ATXN2: variants seen among roughly 807,000 people sequenced by gnomAD.
The protein encoded by ATXN2 is ataxin 2.
Under a neutral mutation model 138.6 loss-of-function variants are expected in ATXN2, and 37 were observed. The observed-to-expected ratio is 0.27, with a 90% CI of 0.21 to 0.35. The LOEUF is 0.35. ATXN2 is among the 10% of genes least tolerant of loss of function. The pLI is 1.00. For missense variants in ATXN2, 1,216 were observed against 1,480.3 expected, an observed-to-expected ratio of 0.82 and a Z score of 2.93; for synonymous variants, 549 against 543.7, an observed-to-expected ratio of 1.01 and a Z score of -0.13.
intron 18 of ATXN2, chr12:111,471,625 G>A (rs1876419174): frequency 6.6e-6 from 1 of 151,938 alleles, no homozygotes; most frequent in Admixed American, 6.6e-5. Flanking sequence ...GCAAATTTGT[G>A]GCTAAACATT....
chr12:111,521,374 TA>T (rs1363091911), intron 6 of ATXN2, among the ~76,000 whole-genome samples: 1 of 152,186 alleles, frequency 6.6e-6, no homozygotes, highest in Admixed American at 6.5e-5. Flanking sequence ...TTACTTCTTT[TA>T]AACAAGGGAT....
Position 111,599,281 on chromosome 12 carries a change from A to G in ATXN2, c.-247T>C. 5.8e-6 allele frequency: 6 copies of G among 1,040,856 alleles called. No homozygotes were observed. The highest frequency in any genetic ancestry group is 6.9e-6 in the Non-Finnish European group (6 of 874,110). The allele number at this position is 1,040,856 out of a possible 1,614,324, so 64.5% of individuals were successfully genotyped here. On this transcript the variant is annotated 5_prime_UTR_variant, in exon 1 of 25. Coordinates refer to ENST00000673436, the MANE Select transcript of ATXN2 (RefSeq NM_001372574.1). The stretch of plus-strand genomic sequence containing the variant: ...ACGCGCCGCCGCCGTTGCCGTTGCT[A>G]CCAAAACAGTCTGAGGCGGAGGGAG...
chr12:111,552,262 T>C lies in ATXN2; in HGVS notation c.571+18A>G. On this transcript the variant is annotated intron_variant, in intron 5 of 24. Coordinates refer to ENST00000673436, the MANE Select transcript of ATXN2 (RefSeq NM_001372574.1). The surrounding 1 kb of genome is among the most constrained non-coding windows in gnomAD (Gnocchi z 4.1). ...AATCTAATAAACCATGAGGCATATT[T>C]AGGAAATCAAAACCCACCTCTTTTT... 6.4e-7 allele frequency: 1 copy of C among 1,573,996 alleles called. No individual in the cohort carries two copies. The highest frequency in any genetic ancestry group is 1.2e-5 in the South Asian group (1 of 84,960).
At chr12:111,587,073 CAAAAAAAAA>C (rs374631048) in intron 1 of ATXN2, among the ~76,000 whole-genome samples, 3 of 112,886 alleles carry the variant, frequency 2.7e-5, no homozygotes, top group Non-Finnish European at 3.5e-5. Flanking sequence ...CCATTTCTAC[CAAAAAAAAA>C]AAAAAAAAAA....
intron 1 of ATXN2, among the ~76,000 whole-genome samples, chr12:111,557,011 A>G (rs973323696): frequency 6.6e-6 from 1 of 152,312 alleles, no homozygotes; most frequent in Admixed American, 6.5e-5. Flanking sequence ...TTTGGCTGTC[A>G]AGTAAAGATG....
chr12:111,457,378 G>A lies in ATXN2; in HGVS notation c.2897-19C>T, dbSNP rs968717790. The A allele has an allele frequency of 3.8e-6, 6 of 1,599,002 alleles. No individual in the cohort carries two copies. The highest frequency in any genetic ancestry group is 5.1e-6 in the Non-Finnish European group (6 of 1,172,234). On this transcript the variant is annotated intron_variant, in intron 21 of 24. Transcript: ENST00000673436. ...GTGGAAACTAAAGTGAAAGAAAAAG[G>A]AGCATGTACACAACCGATGTCTGAC... is the stretch of plus-strand genomic sequence containing the variant.
rs368872044 is a variant in ATXN2, at chr12:111,574,200, C to T, written c.252-18281G>A. On this transcript the variant is annotated intron_variant, in intron 1 of 24. Transcript: ENST00000673436. ...GCGGGCACCTGTAGTCCCAGCTACT[C>T]GGGAGGTGGAGGCAGGAGAATGGCG... 1.5e-4 allele frequency among the ~76,000 whole-genome samples: 22 copies of T among 145,330 alleles called. No individual in the cohort carries two copies. The East Asian group carries it at 4.0e-3, about 26-fold the overall frequency.
intron 2 of ATXN2, 94 bp from the exon 3 acceptor site, chr12:111,554,311 C>T (rs546014374): frequency 1.5e-5 from 13 of 865,502 alleles, no homozygotes; most frequent in East Asian, 3.2e-5. Flanking sequence ...TTTTAGACTG[C>T]GGATTTTTTT....
chr12:111,527,232 C>T (rs1321094562), intron 5 of ATXN2, among the ~76,000 whole-genome samples: 1 of 152,162 alleles, frequency 6.6e-6, no homozygotes, highest in East Asian at 1.9e-4. Context: ...CCACCTACTA[C>T]GAACTAAGGA....
At chr12:111,551,600 T>C (rs1882124388) in intron 5 of ATXN2, among the ~76,000 whole-genome samples, 1 of 152,218 alleles carries the variant, frequency 6.6e-6, no homozygotes. Flanking sequence ...TTCCTTAGCC[T>C]TATACTTTGA....
In ATXN2 at chr12:111,510,419, A is replaced by G; in HGVS notation, c.1722T>C (p.Pro574=). Residue 574 remains proline (P), a synonymous_variant, in exon 12 of 25, where the codon CCT becomes CCC. Coordinates refer to ENST00000673436, the MANE Select transcript of ATXN2 (RefSeq NM_001372574.1). ...IPAASPTPAS[P]ASNRAVTPSS... is the part of the protein sequence containing the mutation. The stretch of plus-strand genomic sequence containing the variant: ...AAGGGGTAACAGCTCTGTTCGATGC[A>G]GGACTAGCAGGCGTAGGAGATGCAG... 1.2e-6 allele frequency: 2 copies of G among 1,614,160 alleles called. No individual in the cohort carries two copies. The highest frequency in any genetic ancestry group is 1.7e-6 in the Non-Finnish European group (2 of 1,180,014).
At chr12:111,580,627 C>T (rs1244567108) in intron 1 of ATXN2, among the ~76,000 whole-genome samples, 1 of 129,452 alleles carries the variant, frequency 7.7e-6, no homozygotes. Context: ...CATAAGGAGA[C>T]CCTGTCTCTT....
At chr12:111,463,094 A>C (rs1209262983) in intron 21 of ATXN2, among the ~76,000 whole-genome samples, 10 of 152,190 alleles carry the variant, frequency 6.6e-5, no homozygotes, top group Non-Finnish European at 1.2e-4. Context: ...TTTAAATGCT[A>C]ATATGGCATT....
intron 1 of ATXN2, among the ~76,000 whole-genome samples, chr12:111,577,882 C>A (rs570460375): frequency 6.6e-6 from 1 of 151,702 alleles, no homozygotes; most frequent in Non-Finnish European, 1.5e-5. Flanking sequence ...AGGAGTTCAA[C>A]GCCCTGGGCA....
chr12:111,527,311 G>C (rs954910254), intron 5 of ATXN2, among the ~76,000 whole-genome samples: 1 of 152,160 alleles, frequency 6.6e-6, no homozygotes, highest in Non-Finnish European at 1.5e-5. Context: ...TCCCAGTACT[G>C]TAAGTTGCCA....
chr12:111,481,769 C>T (rs561751771), intron 18 of ATXN2, among the ~76,000 whole-genome samples: 3 of 152,134 alleles, frequency 2.0e-5, no homozygotes, highest in African/African-American at 7.2e-5. Context: ...GATTCTGATG[C>T]TCCTGCCTCA....
chr12:111,485,129 G>A (rs1167558289), intron 18 of ATXN2, 136 bp downstream of exon 18: 4 of 706,478 alleles, frequency 5.7e-6, no homozygotes, highest in Middle Eastern at 2.5e-4. Flanking sequence ...TCTATGTAAT[G>A]TTGTTCATCA....
chr12:111,592,411 A>T (rs935348937), intron 1 of ATXN2, among the ~76,000 whole-genome samples: 2 of 151,568 alleles, frequency 1.3e-5, no homozygotes, highest in Admixed American at 6.6e-5. Flanking sequence ...AAACCCTTAG[A>T]TGGTAACAGT....
chr12:111,547,836 ATTTTTT>A (rs34988312), intron 5 of ATXN2, among the ~76,000 whole-genome samples: 3 of 100,224 alleles, frequency 3.0e-5, no homozygotes, highest in Non-Finnish European at 5.6e-5. Flanking sequence ...TTGCTTGAGA[ATTTTTT>A]TTTTTTTTTT....
Sources: allele counts gnomAD v4.1 joint callset (sites outside exome capture counted in the v4.1 genomes callset), GRCh38; gene constraint gnomAD v4.1.1; non-coding constraint Gnocchi (gnomAD v3.1); transcripts MANE v1.5; gene names NCBI Gene and HGNC (gene_info 2026-07-23, HGNC 2026-07-21).